VIT: variants seen among roughly 807,000 people sequenced by gnomAD.
VIT encodes vitrin.
In VIT, 99 loss-of-function variants were observed where a neutral mutation model predicts 78.0. The ratio of observed to expected loss-of-function variants is 1.27; its 90% CI spans 1.08 to 1.50. The LOEUF (loss-of-function observed/expected upper bound fraction) is 1.50, where lower values mean the gene tolerates loss of function less well. Among genes scored for constraint, VIT ranks in the 40% most tolerant of loss-of-function variants. The pLI is 0.00. For missense variants in VIT, 1,126 were observed against 875.3 expected, an observed-to-expected ratio of 1.29 and a Z score of -3.61; for synonymous variants, 374 against 334.3, an observed-to-expected ratio of 1.12 and a Z score of -1.29.
intron 2 of VIT, 43 bp from the exon 3 acceptor site, chr2:36,729,383 T>C: frequency 6.6e-7 from 1 of 1,515,134 alleles, no homozygotes; most frequent in Non-Finnish European, 8.9e-7. Context: ...AGAATTTAAG[T>C]AAAATAAAAT....
intron 4 of VIT, among the ~76,000 whole-genome samples, chr2:36,753,644 C>A (rs1021100047): frequency 6.6e-6 from 1 of 152,122 alleles, no homozygotes; most frequent in African/African-American, 2.4e-5. Flanking sequence ...TTGTCAGCAG[C>A]ACAGGCCTGG....
intron 6 of VIT, 98 bp from the exon 7 acceptor site, chr2:36,766,996 C>T (rs1389632025): frequency 6.0e-6 from 8 of 1,338,068 alleles, no homozygotes; most frequent in Admixed American, 3.5e-5. Context: ...CAGCTCTGTG[C>T]TCATAGCTAG....
At chr2:36,751,850 A>C (rs1421189302) in intron 4 of VIT, among the ~76,000 whole-genome samples, 3 of 152,208 alleles carry the variant, frequency 2.0e-5, no homozygotes, top group Admixed American at 6.5e-5. Flanking sequence ...TTCAAAGGGA[A>C]GATAAATAAA....
At chr2:36,754,096 G>C (rs770192312) in intron 4 of VIT, among the ~76,000 whole-genome samples, 1 of 152,194 alleles carries the variant, frequency 6.6e-6, no homozygotes, top group Non-Finnish European at 1.5e-5. Flanking sequence ...ATGTTGAGTA[G>C]TATTAGCACT....
At chr2:36,809,291 A>G (rs1397400578) in intron 15 of VIT, among the ~76,000 whole-genome samples, 1 of 152,186 alleles carries the variant, frequency 6.6e-6, no homozygotes, top group Non-Finnish European at 1.5e-5. Context: ...CCACAAGAGC[A>G]TGATACATTA....
chr2:36,767,404 G>T, intron 7 of VIT, 119 bp downstream of exon 7: 1 of 1,068,872 alleles, frequency 9.4e-7, no homozygotes, highest in Non-Finnish European at 1.2e-6. Context: ...GGAGAACTGG[G>T]CCGGGGGTAT....
At chr2:36,783,864 G>A (rs1260075908) in intron 11 of VIT, among the ~76,000 whole-genome samples, 1 of 152,160 alleles carries the variant, frequency 6.6e-6, no homozygotes, top group Non-Finnish European at 1.5e-5. Flanking sequence ...CTAGGTAAAT[G>A]GTACTACAAT....
Position 36,810,999 on chromosome 2 carries a change from T to G in VIT, c.1903+2014T>G, listed in dbSNP as rs1465838667. Among the ~76,000 whole-genome samples the G allele has an allele frequency of 2.6e-5, 4 of 152,224 alleles. No individual in the cohort carries two copies. In the South Asian group the frequency reaches 8.3e-4, roughly 32 times the overall value. On this transcript the variant is annotated intron_variant, in intron 15 of 15. Transcript: ENST00000379242. The stretch of plus-strand genomic sequence containing the variant: ...CTGAATGGTTGAAAGCTACTTTCAT[T>G]TCTTCCTAAAACAAGCCTTAATGAA...
rs1452292275 is a variant in VIT, at chr2:36,728,580, G to A, written c.53-846G>A. On this transcript the variant is annotated intron_variant, in intron 2 of 15. Coordinates refer to ENST00000379242, the MANE Select transcript of VIT (RefSeq NM_053276.4). Reference sequence around the variant, plus strand: ...TGTAATCCCAGCACTTTGGGAGGCCGAGGCGGGCGGATCACGAGGTCAGGA... The same window carrying A: ...TGTAATCCCAGCACTTTGGGAGGCCAAGGCGGGCGGATCACGAGGTCAGGA... Among the ~76,000 whole-genome samples, 2 of 91,840 alleles carry A rather than the reference G, an allele frequency of 2.2e-5. 1 individual carries two copies. The highest frequency in any genetic ancestry group is 6.5e-5 in the African/African-American group (2 of 30,868). 60.3% of individuals were successfully genotyped at this position (91,840 alleles called of 152,430 possible). A position where few individuals can be genotyped will look rare whatever the true frequency, so the allele number is the denominator to read the frequency against.
intron 2 of VIT, 32 bp downstream of exon 2, chr2:36,716,454 CT>C: frequency 6.2e-7 from 1 of 1,607,178 alleles, no homozygotes; most frequent in Non-Finnish European, 8.5e-7. Flanking sequence ...TCTGGATACC[CT>C]TTTAAAATTT....
At chr2:36,775,591 T>C (rs1670001094) in intron 9 of VIT, among the ~76,000 whole-genome samples, 1 of 152,226 alleles carries the variant, frequency 6.6e-6, no homozygotes, top group African/African-American at 2.4e-5. Context: ...TCTATAGCTC[T>C]GGGATTCTCT....
At chr2:36,807,912 G>C (rs1028905163) in intron 14 of VIT, among the ~76,000 whole-genome samples, 23 of 152,190 alleles carry the variant, frequency 1.5e-4, no homozygotes, top group African/African-American at 5.5e-4. Context: ...CCACCTTGTA[G>C]GGTGAAGGTG....
chr2:36,809,092 G>T (rs1042842506), intron 15 of VIT, 107 bp downstream of exon 15: 4 of 1,423,054 alleles, frequency 2.8e-6, no homozygotes, highest in Non-Finnish European at 2.8e-6. Context: ...TTTTTTCTGC[G>T]ACTTAATAAA....
chr2:36,722,747 G>A (rs1368770498), intron 2 of VIT, among the ~76,000 whole-genome samples: 1 of 152,134 alleles, frequency 6.6e-6, no homozygotes, highest in Non-Finnish European at 1.5e-5. Flanking sequence ...TTATTGATTA[G>A]ATGTTCTGGT....
chr2:36,792,456 C>CTTGA (rs1558577189), intron 12 of VIT, among the ~76,000 whole-genome samples: 3 of 152,126 alleles, frequency 2.0e-5, no homozygotes, highest in Non-Finnish European at 2.9e-5. Flanking sequence ...CAAACGACTG[C>CTTGA]GCTTGACTTC....
intron 14 of VIT, among the ~76,000 whole-genome samples, chr2:36,806,424 C>A (rs946248665): frequency 6.6e-6 from 1 of 152,180 alleles, no homozygotes; most frequent in African/African-American, 2.4e-5. Flanking sequence ...TGCTGTATGG[C>A]TCTTATTTCA....
rs957637422 is a variant in VIT, at chr2:36,728,141, C to A, written c.53-1285C>A. Reference sequence around the variant, plus strand: ...AGACAGGGTTTCACCATGTTGGCCACACTCGTCTCAAACTCCTGACCTCAG... The same window carrying A: ...AGACAGGGTTTCACCATGTTGGCCAAACTCGTCTCAAACTCCTGACCTCAG... On this transcript the variant is annotated intron_variant, in intron 2 of 15. Coordinates refer to ENST00000379242, the MANE Select transcript of VIT (RefSeq NM_053276.4). Among the ~76,000 whole-genome samples the A allele has an allele frequency of 3.9e-5, 6 of 152,092 alleles. No homozygotes were observed. The East Asian group carries it at 9.7e-4, about 25-fold the overall frequency.
chr2:36,794,506 G>A (rs557211542), intron 12 of VIT, among the ~76,000 whole-genome samples: 9 of 152,106 alleles, frequency 5.9e-5, no homozygotes, highest in South Asian at 2.1e-4. Context: ...ACACATATAC[G>A]CTGGTCCTGA....
At chr2:36,731,193 T>A (rs1374850506) in intron 3 of VIT, among the ~76,000 whole-genome samples, 1 of 152,094 alleles carries the variant, frequency 6.6e-6, no homozygotes, top group Non-Finnish European at 1.5e-5. Context: ...TAAAGCTACA[T>A]CCAGAAAGTT....
Sources: gnomAD v4.1 joint callset for allele counts (sites outside exome capture counted in the v4.1 genomes callset) on GRCh38, gnomAD v4.1.1 for gene constraint, MANE v1.5 for transcripts, NCBI Gene and HGNC (gene_info 2026-07-23, HGNC 2026-07-21) for gene names.